MGAT4C: variants seen among roughly 807,000 people sequenced by gnomAD.
The protein encoded by MGAT4C is MGAT4 family member C, also known as alpha-1,3-mannosyl-glycoprotein 4-beta-N-acetylglucosaminyltransferase C.
MGAT4C carries 19 observed loss-of-function variants against 40.1 expected under a neutral mutation model. The observed-to-expected ratio is 0.47, with a 90% CI of 0.33 to 0.70. The LOEUF is 0.70. Ranked by LOEUF, MGAT4C falls within the 30% of genes least tolerant of loss-of-function variation. MGAT4C has a pLI of 0.02. For missense variants in MGAT4C, 491 were observed against 563.2 expected (o/e 0.87, Z 1.30); for synonymous variants, 181 against 187.1 (o/e 0.97, Z 0.27).
intron 2 of MGAT4C, among the ~76,000 whole-genome samples, chr12:86,496,847 A>G (rs1285109360): frequency 6.6e-6 from 1 of 152,016 alleles, no homozygotes. Flanking sequence ...GAGTATTTTT[A>G]TAATGACTGT....
intron 1 of MGAT4C, among the ~76,000 whole-genome samples, chr12:86,205,855 C>T (rs939925332): frequency 5.9e-5 from 9 of 151,656 alleles, no homozygotes; most frequent in African/African-American, 1.7e-4. Flanking sequence ...TTGTGAACTT[C>T]GTGTTTTTAG....
chr12:86,811,605 G>A (rs1004318962), intron 1 of MGAT4C, among the ~76,000 whole-genome samples: 1 of 151,172 alleles, frequency 6.6e-6, no homozygotes, highest in African/African-American at 2.4e-5. Context: ...GCCTCCCAAA[G>A]TGCTGAGATT....
intron 2 of MGAT4C, among the ~76,000 whole-genome samples, chr12:86,661,049 C>T (rs1963968966): frequency 6.6e-6 from 1 of 152,092 alleles, no homozygotes; most frequent in Non-Finnish European, 1.5e-5. Context: ...TTAGTACACC[C>T]TCTGGGGAAG....
chr12:86,125,288 C>T (rs1464576868), intron 1 of MGAT4C, among the ~76,000 whole-genome samples: 1 of 152,158 alleles, frequency 6.6e-6, no homozygotes, highest in Non-Finnish European at 1.5e-5. Context: ...TATACTGTAC[C>T]TATCAAAGAG....
At chr12:86,597,744 C>G (rs1429663080) in intron 2 of MGAT4C, among the ~76,000 whole-genome samples, 1 of 152,094 alleles carries the variant, frequency 6.6e-6, no homozygotes, top group Non-Finnish European at 1.5e-5. Context: ...ATTTCATCCC[C>G]TATTCCCCTC....
chr12:85,960,096 C>T lies in MGAT4C; in HGVS notation c.*19193G>A, dbSNP rs1016423008. 3 of 152,082 alleles carry T rather than the reference C, an allele frequency of 2.0e-5. No individual in the cohort carries two copies. The highest frequency in any genetic ancestry group is 3.4e-3 in the Middle Eastern group (1 of 294). The allele number at this position is 152,082 out of a possible 1,614,324, so 9.4% of individuals were successfully genotyped here. On this transcript the variant is annotated 3_prime_UTR_variant, in exon 5 of 5. Coordinates refer to ENST00000611864, the MANE Select transcript of MGAT4C (RefSeq NM_001351288.2). ...AGTCTAATTTTTGGAAAGTATACTT[C>T]GCCTTTTCAGTAATTTTATTTTTCG...
chr12:86,482,099 C>CACACACACACAT (rs1375497036), intron 2 of MGAT4C, among the ~76,000 whole-genome samples: 7 of 151,450 alleles, frequency 4.6e-5, no homozygotes, highest in African/African-American at 1.7e-4. Context: ...CACACACACA[C>CACACACACACAT]ACAAGCAAGT....
At chr12:86,076,425 C>T (rs1036951700) in intron 1 of MGAT4C, among the ~76,000 whole-genome samples, 5 of 152,164 alleles carry the variant, frequency 3.3e-5, no homozygotes, top group Non-Finnish European at 1.5e-5. Flanking sequence ...TGTCTGTTAC[C>T]CAGTTCCAAA....
intron 2 of MGAT4C, among the ~76,000 whole-genome samples, chr12:86,462,991 A>C (rs1957624987): frequency 1.4e-5 from 2 of 139,298 alleles, no homozygotes; most frequent in South Asian, 2.4e-4. Flanking sequence ...TCAAGTTGAC[A>C]CTCAATATTA....
chr12:86,505,783 A>G (rs545512640), intron 2 of MGAT4C, among the ~76,000 whole-genome samples: 1 of 152,318 alleles, frequency 6.6e-6, no homozygotes, highest in East Asian at 1.9e-4. Context: ...ACTAAAATTT[A>G]CATACATGTA....
At chr12:86,704,387 T>TG (rs1461633221) in intron 2 of MGAT4C, among the ~76,000 whole-genome samples, 1 of 152,032 alleles carries the variant, frequency 6.6e-6, no homozygotes, top group African/African-American at 2.4e-5. Context: ...TAAATACTAT[T>TG]GGAAAGAGGT....
At chr12:86,651,955 C>T (rs920001622) in intron 2 of MGAT4C, among the ~76,000 whole-genome samples, 14 of 151,958 alleles carry the variant, frequency 9.2e-5, no homozygotes, top group African/African-American at 3.1e-4. Flanking sequence ...GACGTAATGA[C>T]TGGGTGAAAA....
intron 1 of MGAT4C, among the ~76,000 whole-genome samples, chr12:86,073,786 G>C (rs929146046): frequency 6.6e-6 from 1 of 152,130 alleles, no homozygotes; most frequent in African/African-American, 2.4e-5. Context: ...GATATTACAG[G>C]CTCATAGGTG....
chr12:86,815,945 A>G (rs2136221704), intron 1 of MGAT4C, among the ~76,000 whole-genome samples: 1 of 152,068 alleles, frequency 6.6e-6, no homozygotes, highest in East Asian at 1.9e-4. Flanking sequence ...AATCACCACT[A>G]AAGAACTTAC....
chr12:86,386,492 T>A (rs1021632213), intron 3 of MGAT4C, among the ~76,000 whole-genome samples: 1 of 152,220 alleles, frequency 6.6e-6, no homozygotes, highest in Non-Finnish European at 1.5e-5. Flanking sequence ...CTTGGACCGT[T>A]AATATTCAGG....
chr12:86,118,412 G>C (rs1314680117), intron 1 of MGAT4C, among the ~76,000 whole-genome samples: 1 of 152,176 alleles, frequency 6.6e-6, no homozygotes, highest in East Asian at 1.9e-4. Flanking sequence ...CCATTGAAGA[G>C]CAACTGTTTC....
intron 3 of MGAT4C, among the ~76,000 whole-genome samples, chr12:86,396,235 T>C (rs1321521121): frequency 6.6e-6 from 1 of 152,180 alleles, no homozygotes; most frequent in Non-Finnish European, 1.5e-5. Flanking sequence ...TCAAAAATTC[T>C]AAGTTATTGT....
At chr12:86,694,573 T>G (rs559280716) in intron 2 of MGAT4C, among the ~76,000 whole-genome samples, 1 of 152,176 alleles carries the variant, frequency 6.6e-6, no homozygotes, top group Non-Finnish European at 1.5e-5. Flanking sequence ...ATGAGATATA[T>G]CTTTCAGAAT....
At chr12:86,561,394 C>G (rs143182191) in intron 2 of MGAT4C, among the ~76,000 whole-genome samples, 231 of 152,234 alleles carry the variant, frequency 1.5e-3, no homozygotes, top group African/African-American at 5.2e-3. Context: ...CAGACCCACC[C>G]TCAGTCTAAT....
Sources: allele counts gnomAD v4.1 joint callset (sites outside exome capture counted in the v4.1 genomes callset), GRCh38; gene constraint gnomAD v4.1.1; transcripts MANE v1.5; gene names NCBI Gene and HGNC (gene_info 2026-07-23, HGNC 2026-07-21).